Variants in PIGF observed in about 807,000 individuals in gnomAD.
The protein encoded by PIGF is GPI ethanolamine phosphate transferase, stabilizing subunit.
In PIGF, 23 loss-of-function variants were observed where a neutral mutation model predicts 26.0. The observed-to-expected ratio is 0.88, with a 90% CI of 0.64 to 1.25. The LOEUF (loss-of-function observed/expected upper bound fraction) is 1.25, where lower values mean the gene tolerates loss of function less well. Ranked by LOEUF, PIGF falls within the 50% of genes most tolerant of loss-of-function variation. The pLI is 0.00. For missense variants in PIGF, 278 were observed against 249.9 expected (o/e 1.11, Z -0.76); for synonymous variants, 93 against 92.6 (o/e 1.00, Z -0.03).
chr2:46,617,041 G>A lies in PIGF; in HGVS notation c.-93C>T, dbSNP rs760198395. 4 of 607,486 alleles carry A rather than the reference G, an allele frequency of 6.6e-6. No individual in the cohort carries two copies. Among genetic ancestry groups the A allele is most frequent in the East Asian group, 5.7e-5 (2 of 34,884 alleles). 37.6% of individuals were successfully genotyped at this position (607,486 alleles called of 1,614,324 possible). A position where few individuals can be genotyped will look rare whatever the true frequency, so the allele number is the denominator to read the frequency against. On this transcript the variant is annotated 5_prime_UTR_variant, in exon 1 of 6. Transcript: ENST00000281382. ...ACCATCAGGTACGACGGGCGGCCCAGGCCCACGCGCAGGCGCAGGGCTGTG... is the reference window on the plus strand; with the variant it reads ...ACCATCAGGTACGACGGGCGGCCCAAGCCCACGCGCAGGCGCAGGGCTGTG...
At chr2:46,597,137 C>T (rs191289841) in intron 4 of PIGF, among the ~76,000 whole-genome samples, 129 of 152,304 alleles carry the variant, frequency 8.5e-4, no homozygotes, top group African/African-American at 2.8e-3. Flanking sequence ...GGTCCCTGCA[C>T]GAGCATCTTG....
chr2:46,581,535 A>C lies in PIGF; in HGVS notation c.603T>G (p.Val201=). The C allele has an allele frequency of 6.2e-7, 1 of 1,611,708 alleles. No individual in the cohort carries two copies. Among genetic ancestry groups the C allele is most frequent in the Non-Finnish European group, 8.5e-7 (1 of 1,179,628 alleles). Residue 201 remains valine (V), a synonymous_variant, in exon 6 of 6, where the codon GTT becomes GTG. Transcript: ENST00000281382. ...GATFGYVAGL[V]ISPLWIYWNR... The stretch of plus-strand genomic sequence containing the variant: ...TCCAGTATATCCAGAGTGGTGAAAT[A>C]ACAAGGCCAGCCACGTAGCCAAAGG...
At position 46,613,786 on chromosome 2, in the gene PIGF, C is replaced by A. The variant is rs761877541; in HGVS notation, c.229-1G>T. On this transcript the variant is annotated splice_acceptor_variant, in intron 2 of 5. Coordinates refer to ENST00000281382, the MANE Select transcript of PIGF (RefSeq NM_002643.4). LOFTEE classifies it high-confidence loss of function. ...TACAGCATTTCAAAAATCCAGTTAC[C>A]TAAAAGAGAAATGAATAACCTGAAG... 6.5e-7 allele frequency: 1 copy of A among 1,534,212 alleles called. No individual in the cohort carries two copies. Among genetic ancestry groups the A allele is most frequent in the Non-Finnish European group, 8.9e-7 (1 of 1,124,814 alleles).
chr2:46,594,536 AT>A (rs5830911), intron 4 of PIGF, among the ~76,000 whole-genome samples: 69,103 of 144,850 alleles, frequency 0.48, 18,847 homozygotes, highest in African/African-American at 0.78. Flanking sequence ...CAGAGTTAGG[AT>A]TTTTTTTTTT....
intron 4 of PIGF, among the ~76,000 whole-genome samples, chr2:46,609,162 T>A (rs144911027): frequency 5.9e-4 from 90 of 152,376 alleles, no homozygotes; most frequent in African/African-American, 2.1e-3. Flanking sequence ...TGCTCCAGCT[T>A]CTACATCAGC....
chr2:46,607,126 C>T (rs79048928), intron 4 of PIGF, among the ~76,000 whole-genome samples: 1,936 of 152,210 alleles, frequency 0.013, 47 homozygotes, highest in African/African-American at 0.044. Context: ...ATGATGTGTA[C>T]GGTGTGTGAA....
In PIGF at chr2:46,585,864, C is replaced by T. The variant is rs181169805; in HGVS notation, c.547-4273G>A. On this transcript the variant is annotated intron_variant, in intron 5 of 5. Coordinates refer to ENST00000281382, the MANE Select transcript of PIGF (RefSeq NM_002643.4). ...TCTCGGCTCACTGCAAGCTCCGCCT[C>T]CCAGGTTCACGCTATTCTCCTGCCT... Among the ~76,000 whole-genome samples, 546 of 152,220 alleles carry T rather than the reference C, an allele frequency of 3.6e-3. 3 individuals are homozygous for T. Among genetic ancestry groups the T allele is most frequent in the Non-Finnish European group, 6.0e-3 (406 of 68,010 alleles).
At chr2:46,598,863 C>A (rs898048762) in intron 4 of PIGF, among the ~76,000 whole-genome samples, 2 of 152,124 alleles carry the variant, frequency 1.3e-5, no homozygotes, top group African/African-American at 4.8e-5. Flanking sequence ...TTTTAAACAA[C>A]AGCAACAACA....
At chr2:46,603,931 T>C (rs1045931564) in intron 4 of PIGF, among the ~76,000 whole-genome samples, 2 of 151,896 alleles carry the variant, frequency 1.3e-5, no homozygotes, top group African/African-American at 4.8e-5. Context: ...ACCCACAGAA[T>C]GGAAGAAAAT....
Position 46,617,041 on chromosome 2 carries a change from G to C in PIGF, c.-93C>G, listed in dbSNP as rs760198395. ...ACCATCAGGTACGACGGGCGGCCCA[G>C]GCCCACGCGCAGGCGCAGGGCTGTG... On this transcript the variant is annotated 5_prime_UTR_variant, in exon 1 of 6. Transcript: ENST00000281382. The C allele has an allele frequency of 1.6e-4, 100 of 607,604 alleles. No homozygotes were observed. The highest frequency in any genetic ancestry group is 8.6e-5 in the East Asian group (3 of 34,874). The allele number at this position is 607,604 out of a possible 1,614,324, so 37.6% of individuals were successfully genotyped here. A position where few individuals can be genotyped will look rare whatever the true frequency, so the allele number is the denominator to read the frequency against.
At chr2:46,599,645 C>T (rs1421473012) in intron 4 of PIGF, among the ~76,000 whole-genome samples, 1 of 152,152 alleles carries the variant, frequency 6.6e-6, no homozygotes, top group African/African-American at 2.4e-5. Flanking sequence ...ATTCTGCAAT[C>T]TTCTTCTCCA....
chr2:46,605,188 C>T (rs556790627), intron 4 of PIGF, among the ~76,000 whole-genome samples: 3 of 151,964 alleles, frequency 2.0e-5, no homozygotes, highest in Non-Finnish European at 4.4e-5. Context: ...TAATGTTCAA[C>T]GAGTTAATCT....
chr2:46,581,634 A>C, intron 5 of PIGF, 43 bp from the exon 6 acceptor site: 1 of 1,592,342 alleles, frequency 6.3e-7, no homozygotes, highest in African/African-American at 1.3e-5. Context: ...CAAATGTTTT[A>C]TTATTACTTG....
intron 4 of PIGF, among the ~76,000 whole-genome samples, chr2:46,607,456 T>C (rs964151451): frequency 6.6e-6 from 1 of 152,238 alleles, no homozygotes; most frequent in Non-Finnish European, 1.5e-5. Context: ...GAGTCATATG[T>C]ATTTTCTGGT....
chr2:46,588,396 A>G lies in PIGF; in HGVS notation c.546+4079T>C. The G allele has an allele frequency of 6.0e-6, 3 of 502,512 alleles. No homozygotes were observed. Among genetic ancestry groups the G allele is most frequent in the South Asian group, 5.2e-5 (2 of 38,722 alleles). 31.1% of individuals were successfully genotyped at this position (502,512 alleles called of 1,614,324 possible). On this transcript the variant is annotated intron_variant, in intron 5 of 5. Coordinates refer to ENST00000281382, the MANE Select transcript of PIGF (RefSeq NM_002643.4). This position sits in a 1 kb window ranked among gnomAD's most constrained non-coding sequence, Gnocchi z 4.1. ...AATTTGCATTTTTTGAAGGCTAAAA[A>G]TATAGTCATTAAACTATGTCTTTTC...
intron 4 of PIGF, among the ~76,000 whole-genome samples, chr2:46,594,604 C>T (rs113631250): frequency 0.017 from 2,556 of 150,468 alleles, 28 homozygotes; most frequent in Non-Finnish European, 0.024. Context: ...AGAGTGATCT[C>T]GGATCACTGC....
rs1669360513 is a variant in PIGF, at chr2:46,581,300, T to G, written c.*178A>C. On this transcript the variant is annotated 3_prime_UTR_variant, in exon 6 of 6. Transcript: ENST00000281382. ...GAAGCCACAATCTATTATAAATACT[T>G]TATTTCAACTAGAAGGTACAATCTC... The G allele has an allele frequency of 1.0e-6, 1 of 998,532 alleles. No individual in the cohort carries two copies. The highest frequency in any genetic ancestry group is 1.4e-6 in the Non-Finnish European group (1 of 690,168). 61.9% of individuals were successfully genotyped at this position (998,532 alleles called of 1,614,324 possible).
intron 4 of PIGF, among the ~76,000 whole-genome samples, chr2:46,605,604 C>G (rs568157442): frequency 6.6e-6 from 1 of 152,198 alleles, no homozygotes; most frequent in African/African-American, 2.4e-5. Context: ...TTATTCTAAT[C>G]ATATTACATA....
At chr2:46,585,863 T>C (rs1669555566) in intron 5 of PIGF, among the ~76,000 whole-genome samples, 1 of 152,018 alleles carries the variant, frequency 6.6e-6, no homozygotes, top group South Asian at 2.1e-4. Context: ...AAGCTCCGCC[T>C]CCCAGGTTCA....
Sources: gnomAD v4.1 joint callset for allele counts (sites outside exome capture counted in the v4.1 genomes callset) on GRCh38, gnomAD v4.1.1 for gene constraint, Gnocchi (gnomAD v3.1) non-coding constraint, MANE v1.5 for transcripts, NCBI Gene and HGNC (gene_info 2026-07-23, HGNC 2026-07-21) for gene names.